ACTR3: variants seen among roughly 807,000 people sequenced by gnomAD.
ACTR3 encodes actin related protein 3, also known as actin-related protein 3.
ACTR3 carries 12 observed loss-of-function variants against 56.8 expected under a neutral mutation model. The observed-to-expected ratio is 0.21, with a 90% CI of 0.14 to 0.34. The LOEUF is 0.34. ACTR3 is among the 10% of genes least tolerant of loss of function. The pLI is 1.00. For synonymous variants in ACTR3, 162 were observed against 167.4 expected, an observed-to-expected ratio of 0.97 and a Z score of 0.25; for missense variants, 282 against 512.5, an observed-to-expected ratio of 0.55 and a Z score of 4.34.
chr2:113,939,155 C>T (rs1057435556), intron 6 of ACTR3, among the ~76,000 whole-genome samples: 1 of 151,784 alleles, frequency 6.6e-6, no homozygotes, highest in African/African-American at 2.4e-5. Context: ...TCCCGTGTAG[C>T]TGGGACTACA....
chr2:113,934,452 G>A lies in ACTR3; in HGVS notation c.540+66G>A, dbSNP rs1283985865. ...CACATCTGGCAAAGTTAAATTATAC[G>A]AATTAATGTTACTTTTAAAAAACTT... On this transcript the variant is annotated intron_variant, in intron 6 of 11. Transcript: ENST00000263238. The A allele has an allele frequency of 3.7e-5, 39 of 1,052,716 alleles. No individual in the cohort carries two copies. In the East Asian group the frequency reaches 8.1e-4, roughly 22 times the overall value. 65.2% of individuals were successfully genotyped at this position (1,052,716 alleles called of 1,614,324 possible). A position where few individuals can be genotyped will look rare whatever the true frequency, so the allele number is the denominator to read the frequency against.
intron 9 of ACTR3, 44 bp downstream of exon 9, chr2:113,951,615 A>G: frequency 3.9e-6 from 6 of 1,556,040 alleles, no homozygotes; most frequent in Non-Finnish European, 5.3e-6. Context: ...CTTTAAAAAA[A>G]CTTAAACACC....
chr2:113,947,439 C>T (rs893170534), intron 8 of ACTR3, among the ~76,000 whole-genome samples: 3 of 152,290 alleles, frequency 2.0e-5, no homozygotes, highest in Admixed American at 2.0e-4. Context: ...ATCACTCAAG[C>T]CCAGGAGTTT....
chr2:113,908,616 T>C (rs1265080899), intron 1 of ACTR3, among the ~76,000 whole-genome samples: 1 of 152,110 alleles, frequency 6.6e-6, no homozygotes, highest in Non-Finnish European at 1.5e-5. Flanking sequence ...CTGAGATTTC[T>C]ACGGTTCTGT....
intron 2 of ACTR3, among the ~76,000 whole-genome samples, chr2:113,915,934 T>TA (rs1679397342): frequency 6.6e-6 from 1 of 152,238 alleles, no homozygotes; most frequent in African/African-American, 2.4e-5. Context: ...TGAGTATTGA[T>TA]ATTTGATCTG....
chr2:113,897,774 G>A (rs528740601), intron 1 of ACTR3, among the ~76,000 whole-genome samples: 33 of 151,972 alleles, frequency 2.2e-4, no homozygotes, highest in African/African-American at 7.5e-4. Context: ...TGATCCACCC[G>A]TCTCGGCCAG....
intron 3 of ACTR3, among the ~76,000 whole-genome samples, chr2:113,925,131 A>G (rs1679592762): frequency 6.6e-6 from 1 of 150,904 alleles, no homozygotes. Flanking sequence ...TCCTGACCTC[A>G]AATGATCCAC....
intron 1 of ACTR3, among the ~76,000 whole-genome samples, chr2:113,893,344 A>T (rs1022901747): frequency 2.0e-5 from 3 of 151,686 alleles, no homozygotes; most frequent in Admixed American, 1.3e-4. Flanking sequence ...GCTGGGCTGG[A>T]GTGCAGTGGC....
intron 1 of ACTR3, among the ~76,000 whole-genome samples, chr2:113,897,904 G>A (rs1001809279): frequency 1.3e-5 from 2 of 152,012 alleles, no homozygotes; most frequent in African/African-American, 4.8e-5. Context: ...TTACCTAAAC[G>A]TTTTATTTTT....
intron 1 of ACTR3, among the ~76,000 whole-genome samples, chr2:113,906,222 C>T (rs1679189483): frequency 1.3e-5 from 2 of 152,072 alleles, no homozygotes; most frequent in Admixed American, 1.3e-4. Context: ...TTTTGATTTG[C>T]ATTTTCTTTA....
chr2:113,921,373 A>ATTCTGTAC (rs1214558155), intron 3 of ACTR3, among the ~76,000 whole-genome samples: 7 of 147,748 alleles, frequency 4.7e-5, no homozygotes, highest in South Asian at 2.1e-4. Flanking sequence ...TCTGGATGTT[A>ATTCTGTAC]ATCCTCTGTC....
At chr2:113,946,294 T>G (rs1247710234) in intron 8 of ACTR3, among the ~76,000 whole-genome samples, 1 of 151,280 alleles carries the variant, frequency 6.6e-6, no homozygotes, top group Non-Finnish European at 1.5e-5. Context: ...TGCCAGCACC[T>G]TTTTTTTTCT....
Position 113,924,338 on chromosome 2 carries a change from A to C in ACTR3, c.226-3007A>C, listed in dbSNP as rs1679577832. ...GCCATCCTCTCACCTTGGCCTCCCA[A>C]AGTGCTGGGATTATAGGTATGAGCC... On this transcript the variant is annotated intron_variant, in intron 3 of 11. Transcript: ENST00000263238. Among the ~76,000 whole-genome samples, 3 of 152,090 alleles carry C rather than the reference A, an allele frequency of 2.0e-5. No individual in the cohort carries two copies. In the South Asian group the frequency reaches 6.2e-4, roughly 32 times the overall value.
intron 6 of ACTR3, among the ~76,000 whole-genome samples, chr2:113,935,220 A>G (rs1414679554): frequency 6.6e-6 from 1 of 151,566 alleles, no homozygotes; most frequent in Non-Finnish European, 1.5e-5. Flanking sequence ...GATAAAATTC[A>G]TATACCATAC....
chr2:113,953,810 T>C (rs1574386298), intron 10 of ACTR3: 1 of 152,380 alleles, frequency 6.6e-6, no homozygotes, highest in Non-Finnish European at 1.5e-5. Context: ...TGATCCAGTG[T>C]TATCTAGTTA....
At chr2:113,895,109 G>T (rs906712519) in intron 1 of ACTR3, among the ~76,000 whole-genome samples, 2 of 123,164 alleles carry the variant, frequency 1.6e-5, no homozygotes, top group African/African-American at 6.5e-5. Flanking sequence ...CTATTTCCTT[G>T]TTACTTTGCT....
At chr2:113,927,490 T>C (rs1206848296) in intron 4 of ACTR3, 35 bp downstream of exon 4, 1 of 1,362,540 alleles carries the variant, frequency 7.3e-7, no homozygotes, top group African/African-American at 1.4e-5. Context: ...TGAGGAAATT[T>C]TTGAATACAC....
chr2:113,933,248 T>C (rs1679755932), intron 5 of ACTR3, among the ~76,000 whole-genome samples: 1 of 152,170 alleles, frequency 6.6e-6, no homozygotes, highest in Non-Finnish European at 1.5e-5. Flanking sequence ...CAGTGGCTCA[T>C]GCCTATAATC....
intron 1 of ACTR3, among the ~76,000 whole-genome samples, chr2:113,908,281 G>C (rs1423275300): frequency 6.7e-6 from 1 of 149,188 alleles, no homozygotes. Context: ...AAGAAAAAGC[G>C]AGAGAAACTT....
Sources: gnomAD v4.1 joint callset for allele counts (sites outside exome capture counted in the v4.1 genomes callset) on GRCh38, gnomAD v4.1.1 for gene constraint, MANE v1.5 for transcripts, NCBI Gene and HGNC (gene_info 2026-07-23, HGNC 2026-07-21) for gene names.